Variants in STX8 observed in about 807,000 individuals in gnomAD.
The protein encoded by STX8 is syntaxin-8.
In STX8, 23 loss-of-function variants were observed where a neutral mutation model predicts 37.5. The ratio of observed to expected loss-of-function variants is 0.61; its 90% CI spans 0.44 to 0.87. The LOEUF is 0.87. Ranked by LOEUF, STX8 falls within the 40% of genes least tolerant of loss-of-function variation. The pLI is 0.00. For synonymous variants in STX8, 115 were observed against 99.1 expected (o/e 1.16, Z -0.95); for missense variants, 313 against 284.7 (o/e 1.10, Z -0.71).
intron 3 of STX8, among the ~76,000 whole-genome samples, chr17:9,546,590 G>GGTTT (rs1555536174): frequency 0.022 from 1,345 of 62,002 alleles, 45 homozygotes; most frequent in African/African-American, 0.076. Context: ...CTACAAAAGT[G>GGTTT]GTTTTTTTTT....
chr17:9,521,024 T>C (rs1905320410), intron 4 of STX8, among the ~76,000 whole-genome samples: 1 of 152,238 alleles, frequency 6.6e-6, no homozygotes, highest in African/African-American at 2.4e-5. Context: ...AAAACACTCC[T>C]ATGATATAAA....
intron 7 of STX8, among the ~76,000 whole-genome samples, chr17:9,297,950 T>G (rs1027920127): frequency 2.6e-5 from 4 of 152,174 alleles, no homozygotes; most frequent in Non-Finnish European, 5.9e-5. Context: ...ATAAACAAAG[T>G]TATTCCATGT....
intron 4 of STX8, among the ~76,000 whole-genome samples, chr17:9,527,585 T>G (rs1037041230): frequency 6.6e-6 from 1 of 152,164 alleles, no homozygotes; most frequent in Non-Finnish European, 1.5e-5. Context: ...GACTTAAAAT[T>G]AATACATGCA....
At chr17:9,510,265 C>T (rs754699311) in intron 4 of STX8, among the ~76,000 whole-genome samples, 28 of 152,118 alleles carry the variant, frequency 1.8e-4, no homozygotes, top group Admixed American at 5.2e-4. Flanking sequence ...ATTTAAACTA[C>T]ACCACAGAAC....
intron 6 of STX8, among the ~76,000 whole-genome samples, chr17:9,484,083 T>A (rs987947481): frequency 2.0e-5 from 3 of 152,196 alleles, no homozygotes; most frequent in Admixed American, 2.0e-4. Context: ...TCACTTCAGG[T>A]AGCTGTAGTG....
chr17:9,377,595 C>T (rs938528145), intron 7 of STX8, among the ~76,000 whole-genome samples: 3 of 152,318 alleles, frequency 2.0e-5, no homozygotes, highest in Non-Finnish European at 4.4e-5. Context: ...GTAGCTGGGA[C>T]TACTACAGGT....
At chr17:9,413,270 C>G (rs765508904) in intron 6 of STX8, among the ~76,000 whole-genome samples, 42 of 152,196 alleles carry the variant, frequency 2.8e-4, no homozygotes, top group Non-Finnish European at 4.7e-4. Flanking sequence ...CTAAGTGGGT[C>G]TTTTCACTGG....
At chr17:9,529,651 G>A (rs899178734) in intron 4 of STX8, among the ~76,000 whole-genome samples, 1 of 152,190 alleles carries the variant, frequency 6.6e-6, no homozygotes, top group Admixed American at 6.5e-5. Context: ...GCATCATATA[G>A]CATGAACTGT....
At chr17:9,452,941 GATTAC>G (rs1279143750) in intron 6 of STX8, among the ~76,000 whole-genome samples, 1 of 152,010 alleles carries the variant, frequency 6.6e-6, no homozygotes, top group Admixed American at 6.5e-5. Flanking sequence ...CAGTAGCTGG[GATTAC>G]AGGTGCCCAC....
intron 6 of STX8, among the ~76,000 whole-genome samples, chr17:9,429,346 TATATATA>T (rs1913758338): frequency 1.4e-5 from 2 of 145,902 alleles, no homozygotes; most frequent in South Asian, 2.1e-4. Flanking sequence ...TACATATATT[TATATATA>T]ATATATAATA....
chr17:9,441,265 G>A (rs942053762), intron 6 of STX8, among the ~76,000 whole-genome samples: 4 of 151,968 alleles, frequency 2.6e-5, no homozygotes, highest in Non-Finnish European at 5.9e-5. Context: ...GCCAAGGCGG[G>A]CGGATCACGA....
rs1408235517 is a variant in STX8 at position 9,429,994 on chromosome 17, TAA to T, written c.542-51343_542-51342del. On this transcript the variant is annotated intron_variant, in intron 6 of 7. Transcript: ENST00000306357. Reference sequence around the variant, plus strand: ...TATATTATATAGAATATATTATATATAATATATATATTATATATTATATATTA... The same window carrying T: ...TATATTATATAGAATATATTATATATTATATATATTATATATTATATATTA... Among the ~76,000 whole-genome samples the T allele has an allele frequency of 4.4e-3, 58 of 13,140 alleles. 16 individuals carry two copies. The highest frequency in any genetic ancestry group is 0.037 in the African/African-American group (50 of 1,348). 8.6% of individuals were successfully genotyped at this position (13,140 alleles called of 152,430 possible).
intron 7 of STX8, among the ~76,000 whole-genome samples, chr17:9,296,924 A>G (rs1908573640): frequency 6.6e-6 from 1 of 152,186 alleles, no homozygotes; most frequent in African/African-American, 2.4e-5. Context: ...TATTTTTTTC[A>G]ACATAAATCT....
chr17:9,360,842 G>A (rs1046073156), intron 7 of STX8, among the ~76,000 whole-genome samples: 1 of 152,110 alleles, frequency 6.6e-6, no homozygotes, highest in African/African-American at 2.4e-5. Context: ...ATGCCTGACT[G>A]AGTCACGGCT....
At chr17:9,534,620 T>C (rs1905955097) in intron 4 of STX8, among the ~76,000 whole-genome samples, 1 of 152,112 alleles carries the variant, frequency 6.6e-6, no homozygotes, top group African/African-American at 2.4e-5. Flanking sequence ...AAACTCCGTC[T>C]CTTCTAAAAA....
intron 5 of STX8, among the ~76,000 whole-genome samples, chr17:9,496,144 C>T (rs947571725): frequency 1.3e-5 from 2 of 150,718 alleles, no homozygotes; most frequent in Non-Finnish European, 2.9e-5. Context: ...GGCATGATCT[C>T]GGCTCACTGT....
rs541949850 is a variant in STX8, at chr17:9,315,996, T to C, written c.643+62556A>G. Among the ~76,000 whole-genome samples, 276 of 148,830 alleles carry C rather than the reference T, an allele frequency of 1.9e-3. 3 individuals are homozygous for C. The highest frequency in any genetic ancestry group is 6.0e-3 in the African/African-American group (237 of 39,636). On this transcript the variant is annotated intron_variant, in intron 7 of 7. Coordinates refer to ENST00000306357, the MANE Select transcript of STX8 (RefSeq NM_004853.3). ...CGCCACTGCACTCCAGCCTGGGTGATAGAGTGAGACTCCATCTCCAATTAA... is the reference window on the plus strand; with the variant it reads ...CGCCACTGCACTCCAGCCTGGGTGACAGAGTGAGACTCCATCTCCAATTAA...
chr17:9,387,938 G>C (rs1912073424), intron 6 of STX8, among the ~76,000 whole-genome samples: 1 of 152,082 alleles, frequency 6.6e-6, no homozygotes, highest in Admixed American at 6.6e-5. Flanking sequence ...TAAATCTGTA[G>C]CAGATTAGAT....
intron 7 of STX8, among the ~76,000 whole-genome samples, chr17:9,371,343 T>C (rs1487097737): frequency 1.3e-5 from 2 of 152,220 alleles, no homozygotes; most frequent in African/African-American, 4.8e-5. Context: ...AGTGATAGAA[T>C]TGCCCTGTGA....
Sources: gnomAD v4.1 joint callset for allele counts (sites outside exome capture counted in the v4.1 genomes callset) on GRCh38, gnomAD v4.1.1 for gene constraint, MANE v1.5 for transcripts, NCBI Gene and HGNC (gene_info 2026-07-23, HGNC 2026-07-21) for gene names.